The following SLC6A9 variants were observed in gnomAD, a reference collection of about 807,000 sequenced individuals.
SLC6A9 encodes the protein solute carrier family 6 member 9, also known as sodium- and chloride-dependent glycine transporter 1.
A neutral mutation model predicts 70.9 loss-of-function variants in SLC6A9; 31 were observed. The observed-to-expected ratio is 0.44, with a 90% confidence interval of 0.33 to 0.59. The LOEUF (loss-of-function observed/expected upper bound fraction) is 0.59, where lower values mean the gene tolerates loss of function less well. SLC6A9 is among the 20% of genes least tolerant of loss of function. The pLI, the probability that SLC6A9 is intolerant of heterozygous loss-of-function variation, is 0.04. For synonymous variants in SLC6A9, 310 were observed against 341.3 expected (o/e 0.91, Z 1.01); for missense variants, 631 against 845.2 (o/e 0.75, Z 3.14).
chr1:44,006,476 T>C (rs957475959), intron 5 of SLC6A9, among the ~76,000 whole-genome samples: 10 of 148,518 alleles, frequency 6.7e-5, no homozygotes, highest in Admixed American at 1.4e-4. Context: ...TAATCCCAGC[T>C]ACTAGGGAGG....
intron 5 of SLC6A9, among the ~76,000 whole-genome samples, chr1:44,006,227 C>T (rs1292781177): frequency 6.6e-6 from 1 of 152,184 alleles, no homozygotes; most frequent in Non-Finnish European, 1.5e-5. Context: ...ACGGCAGCTC[C>T]GTGAGGACAA....
chr1:44,006,586 C>CA (rs34759206), intron 5 of SLC6A9, among the ~76,000 whole-genome samples: 41,465 of 67,580 alleles, frequency 0.61, 15,111 homozygotes, highest in Non-Finnish European at 0.74. Flanking sequence ...GATTCTGTCT[C>CA]AAAAAAAAAA....
chr1:44,015,115 T>G (rs1377816188), intron 2 of SLC6A9, among the ~76,000 whole-genome samples: 1 of 152,150 alleles, frequency 6.6e-6, no homozygotes, highest in Non-Finnish European at 1.5e-5. Flanking sequence ...TATAAAAGCA[T>G]AATAAGCTAT....
chr1:44,002,333 C>T lies in SLC6A9; in HGVS notation c.942G>A (p.Lys314=). The change falls in exon 8 of 14, where the codon AAG becomes AAA. Residue 314 remains lysine (K), a synonymous_variant. Transcript: ENST00000372310. This position sits in a 1 kb window ranked among gnomAD's most constrained non-coding sequence, Gnocchi z 5.5. The stretch of plus-strand genomic sequence containing the variant: ...CTCACCGGTAACAGTTATTGTGGAA[C>T]TTGTTGTAGGAAGCCATGGTGATGA... The part of the protein sequence containing the change: ...GGLITMASYN[K]FHNNCYRDSV... The T allele has an allele frequency of 6.2e-7, 1 of 1,613,654 alleles. No homozygotes were observed. Among genetic ancestry groups the T allele is most frequent in the South Asian group, 1.1e-5 (1 of 91,076 alleles).
At position 44,002,690 on chromosome 1, in the gene SLC6A9, C is replaced by A. The variant is rs202196689; in HGVS notation, c.724-44G>T. The stretch of plus-strand genomic sequence containing the variant: ...ATGGACTCTTCTGGGCTCTCCCCTC[C>A]CCTGGGCACCACCACCCTGGCTCCC... On this transcript the variant is annotated intron_variant, in intron 6 of 13. Transcript: ENST00000372310. This position sits in a 1 kb window ranked among gnomAD's most constrained non-coding sequence, Gnocchi z 5.5. 3 of 1,611,678 alleles carry A rather than the reference C, an allele frequency of 1.9e-6. No individual in the cohort carries two copies.
intron 12 of SLC6A9, among the ~76,000 whole-genome samples, chr1:43,998,983 G>GGT (rs1553160173): frequency 2.7e-3 from 25 of 9,168 alleles, no homozygotes; most frequent in Non-Finnish European, 5.8e-3. Flanking sequence ...GGCGGGGGAA[G>GGT]GGGGGGGGCA....
rs1375983170 is a variant in SLC6A9 at position 44,013,460 on chromosome 1, T to C, written c.31-2578A>G. ...CTAACCAGCTTAGCCGTGCGGGCTG[T>C]AACCCAGGGAGGCCACAGCCCCCGC... On this transcript the variant is annotated intron_variant, in intron 2 of 13. Transcript: ENST00000372310. The surrounding 1 kb of genome is among the most constrained non-coding windows in gnomAD (Gnocchi z 5.3). Among the ~76,000 whole-genome samples, 1 of 152,182 alleles carries C rather than the reference T, an allele frequency of 6.6e-6. No homozygotes were observed. Among genetic ancestry groups the C allele is most frequent in the African/African-American group, 2.4e-5 (1 of 41,438 alleles).
chr1:44,021,779 C>T (rs565648703), intron 2 of SLC6A9, among the ~76,000 whole-genome samples: 1 of 152,246 alleles, frequency 6.6e-6, no homozygotes, highest in South Asian at 2.1e-4. Flanking sequence ...AATGTGCTGA[C>T]TGGGCTGCCT....
rs138172510 is a variant in SLC6A9, at chr1:44,020,711, C to G, written c.30+3537G>C. On this transcript the variant is annotated intron_variant, in intron 2 of 13. Coordinates refer to ENST00000372310, the MANE Select transcript of SLC6A9 (RefSeq NM_001024845.3). The stretch of plus-strand genomic sequence containing the variant: ...GTTGAGCTCTTGCTACATGCCAACA[C>G]TTGGGCTGGGTGAGTCCCCACTATG... Among the ~76,000 whole-genome samples the G allele has an allele frequency of 2.7e-3, 409 of 152,300 alleles. 2 individuals carry two copies. Among genetic ancestry groups the G allele is most frequent in the African/African-American group, 9.2e-3 (381 of 41,554 alleles).
At chr1:44,011,473 T>C in intron 2 of SLC6A9, 2 of 1,082,088 alleles carry the variant, frequency 1.8e-6, no homozygotes, top group East Asian at 2.4e-5. Context: ...GGGACAGACA[T>C]GGGGAGGGCA....
chr1:44,001,460 A>T lies in SLC6A9; in HGVS notation c.1130T>A (p.Leu377Gln). Residue 377 changes from leucine (L) to glutamine (Q), a missense_variant, in exon 9 of 14, where the codon CTA (leucine) becomes CAA (glutamine). Transcript: ENST00000372310. ...AFVAYPEALT[L>Q]LPISPLWSLL... Reference sequence around the variant, plus strand: ...AGACCACAGCGGGGAGATGGGAAGTAGTGTGAGGGCCTCGGGGTAAGCCAC... The same window carrying T: ...AGACCACAGCGGGGAGATGGGAAGTTGTGTGAGGGCCTCGGGGTAAGCCAC... The T allele has an allele frequency of 6.2e-7, 1 of 1,614,180 alleles. No individual in the cohort carries two copies. Among genetic ancestry groups the T allele is most frequent in the Non-Finnish European group, 8.5e-7 (1 of 1,180,016 alleles).
chr1:44,004,167 G>T (rs940805840), intron 5 of SLC6A9, among the ~76,000 whole-genome samples: 1 of 151,798 alleles, frequency 6.6e-6, no homozygotes, highest in African/African-American at 2.4e-5. Context: ...GCTAATTTTT[G>T]TATTTTTAGG....
At chr1:44,028,070 G>A (rs569604488) in intron 1 of SLC6A9, among the ~76,000 whole-genome samples, 1 of 152,362 alleles carries the variant, frequency 6.6e-6, no homozygotes, top group East Asian at 1.9e-4. Context: ...GCCTGGCCTT[G>A]TGTAAGACTA....
intron 1 of SLC6A9, among the ~76,000 whole-genome samples, chr1:44,028,880 T>C (rs783307): frequency 0.18 from 27,233 of 151,232 alleles, 2,854 homozygotes; most frequent in East Asian, 0.44. Flanking sequence ...AAGGTGACAA[T>C]AGGGTGAGGA....
In SLC6A9 at chr1:44,018,455, G is replaced by A. The variant is rs1033580470; in HGVS notation, c.30+5793C>T. 6.6e-6 allele frequency among the ~76,000 whole-genome samples: 1 copy of A among 151,942 alleles called. No homozygotes were observed. Among genetic ancestry groups the A allele is most frequent in the East Asian group, 1.9e-4 (1 of 5,196 alleles). On this transcript the variant is annotated intron_variant, in intron 2 of 13. Coordinates refer to ENST00000372310, the MANE Select transcript of SLC6A9 (RefSeq NM_001024845.3). This position sits in a 1 kb window ranked among gnomAD's most constrained non-coding sequence, Gnocchi z 4.2. Reference sequence around the variant, plus strand: ...ACTAAAAATACAAAATTAGCTGGGCGTGGTGGCACATGCCTGTAATCCCAG... The same window carrying A: ...ACTAAAAATACAAAATTAGCTGGGCATGGTGGCACATGCCTGTAATCCCAG...
intron 2 of SLC6A9, 94 bp from the exon 3 acceptor site, chr1:44,010,976 C>G: frequency 1.5e-6 from 2 of 1,319,084 alleles, no homozygotes. Flanking sequence ...CGTGGCCCCT[C>G]CAACACCCCT....
chr1:44,002,940 C>T lies in SLC6A9; in HGVS notation c.636G>A (p.Glu212=), dbSNP rs761848070. Residue 212 remains glutamate (E), a synonymous_variant, in exon 6 of 14, where the codon GAG becomes GAA. Transcript: ENST00000372310. The surrounding 1 kb of genome is among the most constrained non-coding windows in gnomAD (Gnocchi z 5.5). ...KLSDDIGNFG[E]VRLPLLGCLG... Reference sequence around the variant, plus strand: ...GGCAGCCAAGGAGGGGCAGCCGCACCTCCCCAAAGTTCCCAATGTCATCTG... The same window carrying T: ...GGCAGCCAAGGAGGGGCAGCCGCACTTCCCCAAAGTTCCCAATGTCATCTG... The T allele has an allele frequency of 3.1e-6, 5 of 1,614,156 alleles. No homozygotes were observed. In the Admixed American group the frequency reaches 6.7e-5, roughly 22 times the overall value.
intron 1 of SLC6A9, among the ~76,000 whole-genome samples, chr1:44,030,079 G>A (rs1437195730): frequency 6.6e-6 from 1 of 152,092 alleles, no homozygotes; most frequent in Non-Finnish European, 1.5e-5. Context: ...CTTGCGGAGA[G>A]CAGGCCCGAA....
chr1:44,000,944 T>C lies in SLC6A9; in HGVS notation c.1435+12A>G. On this transcript the variant is annotated intron_variant, in intron 11 of 13. Coordinates refer to ENST00000372310, the MANE Select transcript of SLC6A9 (RefSeq NM_001024845.3). ...GGCCGGGTCGCGGGAGGCCGGAGGC[T>C]CGAGTGCTCACCGTAGATGTACATG... 6.2e-7 allele frequency: 1 copy of C among 1,603,374 alleles called. No individual in the cohort carries two copies.
Sources: allele counts gnomAD v4.1 joint callset (sites outside exome capture counted in the v4.1 genomes callset), GRCh38; gene constraint gnomAD v4.1.1; non-coding constraint Gnocchi (gnomAD v3.1); transcripts MANE v1.5; gene names NCBI Gene and HGNC (gene_info 2026-07-23, HGNC 2026-07-21).